Variants in NUMA1 observed in about 807,000 individuals in gnomAD.
NUMA1 encodes the protein nuclear mitotic apparatus protein 1.
NUMA1 carries 62 observed loss-of-function variants against 237.1 expected under a neutral mutation model. The ratio of observed to expected loss-of-function variants is 0.26; its 90% CI spans 0.21 to 0.32. The LOEUF (loss-of-function observed/expected upper bound fraction) is 0.32. Ranked by LOEUF, NUMA1 falls within the 10% of genes least tolerant of loss-of-function variation. The probability of loss-of-function intolerance (pLI) is 1.00; values close to 1 mark genes in which losing one functional copy is unlikely to be tolerated. For missense variants in NUMA1, 2,533 were observed against 2,666.5 expected (o/e 0.95, Z 1.10); for synonymous variants, 1,028 against 1,066.1 (o/e 0.96, Z 0.70).
chr11:72,059,878 C>T (rs1942849934), intron 2 of NUMA1, among the ~76,000 whole-genome samples: 1 of 147,670 alleles, frequency 6.8e-6, no homozygotes, highest in African/African-American at 2.5e-5. Context: ...ATAAAAATTC[C>T]CATCTACACC....
Position 72,007,204 on chromosome 11 carries a change from G to A in NUMA1, c.5448C>T (p.Asn1816=). 1.9e-6 allele frequency: 3 copies of A among 1,609,908 alleles called. No individual in the cohort carries two copies. Among genetic ancestry groups the A allele is most frequent in the Non-Finnish European group, 2.5e-6 (3 of 1,179,950 alleles). The stretch of plus-strand genomic sequence containing the variant: ...GCAGCCTGACCTTGGTCATGGTGAT[G>A]TTGATGATCTGCGTGGTGCGCCGAC... ...SARRRTTQII[N]ITMTKKLDVE... Residue 1816 remains asparagine (N), a synonymous_variant, in exon 21 of 27, where the codon AAC becomes AAT. Coordinates refer to ENST00000393695, the MANE Select transcript of NUMA1 (RefSeq NM_006185.4).
At chr11:72,058,500 T>C (rs905020553) in intron 2 of NUMA1, among the ~76,000 whole-genome samples, 2 of 152,220 alleles carry the variant, frequency 1.3e-5, no homozygotes, top group African/African-American at 2.4e-5. Context: ...ATTTTTCTAT[T>C]GAGGGAATGG....
intron 20 of NUMA1, chr11:72,007,863 G>A: frequency 2.9e-6 from 1 of 350,792 alleles, no homozygotes; most frequent in South Asian, 2.3e-5. Flanking sequence ...TTCCTGAACA[G>A]CTCCTAACCA....
intron 2 of NUMA1, among the ~76,000 whole-genome samples, chr11:72,060,083 C>A (rs899870952): frequency 6.6e-6 from 1 of 152,140 alleles, no homozygotes; most frequent in African/African-American, 2.4e-5. Context: ...TAAGTCCAGA[C>A]ATCAAAGCTG....
chr11:72,037,875 C>T (rs1941225796), intron 2 of NUMA1, among the ~76,000 whole-genome samples: 1 of 152,162 alleles, frequency 6.6e-6, no homozygotes, highest in Non-Finnish European at 1.5e-5. Flanking sequence ...CAAGTATACC[C>T]TATCCATGGG....
At position 72,003,879 on chromosome 11, in the gene NUMA1, G is replaced by C; in HGVS notation, c.6336+8C>G. ...GGTTTCCCTCCCCCATCCTGCCAGT[G>C]CCTCTACCTTGCCCTTGGCTCGAGG... is the stretch of plus-strand genomic sequence containing the variant. On this transcript the variant is annotated splice_region_variant and intron_variant, in intron 26 of 26. Transcript: ENST00000393695. 1 of 1,613,136 alleles carries C rather than the reference G, an allele frequency of 6.2e-7. No homozygotes were observed.
chr11:72,014,677 C>T lies in NUMA1; in HGVS notation c.2826G>A (p.Ala942=). The T allele has an allele frequency of 1.9e-6, 3 of 1,613,424 alleles. No homozygotes were observed. Among genetic ancestry groups the T allele is most frequent in the African/African-American group, 1.3e-5 (1 of 75,080 alleles). ...TASRELVKEP[A]RAGDRQPEWL... ...ACTCGGGCTGTCTGTCTCCTGCCCT[C>T]GCAGGCTCCTTGACTAACTCCCGGG... The change falls in exon 15 of 27, where the codon GCG becomes GCA. Residue 942 remains alanine, a synonymous_variant. Coordinates refer to ENST00000393695, the MANE Select transcript of NUMA1 (RefSeq NM_006185.4). This position sits in a 1 kb window ranked among gnomAD's most constrained non-coding sequence, Gnocchi z 4.6.
chr11:72,030,662 C>T (rs1940186338), intron 3 of NUMA1, among the ~76,000 whole-genome samples: 3 of 152,162 alleles, frequency 2.0e-5, no homozygotes, highest in Admixed American at 2.0e-4. Context: ...AAAGGGTTTG[C>T]TAAGTTAATT....
chr11:72,029,092 C>T (rs1328881476), intron 4 of NUMA1, 113 bp downstream of exon 4: 2 of 724,922 alleles, frequency 2.8e-6, no homozygotes, highest in East Asian at 5.5e-5. Flanking sequence ...ATGTCCCAAT[C>T]CTTCCCCTGA....
At chr11:72,024,376 G>T in intron 4 of NUMA1, 23 bp from the exon 5 acceptor site, 1 of 1,608,100 alleles carries the variant, frequency 6.2e-7, no homozygotes, top group Non-Finnish European at 8.5e-7. Context: ...CAAGTATTAG[G>T]ACCAGAGTAT....
intron 2 of NUMA1, chr11:72,067,776 T>C (rs575871): frequency 0.9 from 137,578 of 152,238 alleles, 62,397 homozygotes; most frequent in Middle Eastern, 0.96. Flanking sequence ...AAAACAATGT[T>C]TAGAGTAAGA....
At chr11:72,022,447 G>A (rs764954953) in intron 6 of NUMA1, 28 bp from the exon 7 acceptor site, 10 of 1,481,026 alleles carry the variant, frequency 6.8e-6, no homozygotes, top group Middle Eastern at 1.7e-4. Context: ...GGCAGTCACT[G>A]AGTGGGGCTG....
intron 12 of NUMA1, 125 bp from the exon 13 acceptor site, chr11:72,017,952 C>A: frequency 8.7e-7 from 1 of 1,144,208 alleles, no homozygotes; most frequent in Admixed American, 2.2e-5. Context: ...ACAAACCAAT[C>A]ACAGCCATCA....
chr11:72,032,144 G>C (rs554403775), intron 3 of NUMA1, among the ~76,000 whole-genome samples: 2 of 152,164 alleles, frequency 1.3e-5, no homozygotes, highest in East Asian at 3.9e-4. Flanking sequence ...CTGGGTCACA[G>C]AGCAAGACCC....
chr11:72,063,608 C>CAA (rs71052848), intron 2 of NUMA1, among the ~76,000 whole-genome samples: 1,868 of 61,112 alleles, frequency 0.031, 20 homozygotes, highest in Middle Eastern at 0.081. Context: ...TACCAAAACT[C>CAA]AAAAAAAAAA....
At chr11:72,077,610 C>G (rs890502249) in intron 1 of NUMA1, among the ~76,000 whole-genome samples, 9 of 151,920 alleles carry the variant, frequency 5.9e-5, no homozygotes, top group African/African-American at 2.2e-4. Flanking sequence ...GTCAGGGGAT[C>G]GAGACCATCA....
chr11:72,040,633 C>T (rs1941567124), intron 2 of NUMA1: 1 of 152,320 alleles, frequency 6.6e-6, no homozygotes, highest in Admixed American at 6.5e-5. Context: ...ATGGTGAAGC[C>T]CTCTCCTGAG....
rs1202790504 is a variant in NUMA1, at chr11:72,015,759, C to T, written c.1744G>A (p.Ala582Thr). ...EKQEATRQDH[A>T]QQLATAAEER... ...TCTGCAGCAGTGGCCAGTTGCTGGG[C>T]ATGGTCCTGCCTAGTTGCCTCCTGC... The change falls in exon 15 of 27, where the codon GCC becomes ACC. Residue 582 changes from alanine to threonine, a missense_variant. By Grantham distance (58) the Ala-to-Thr change is moderately conservative. Coordinates refer to ENST00000393695, the MANE Select transcript of NUMA1 (RefSeq NM_006185.4). The surrounding 1 kb of genome is among the most constrained non-coding windows in gnomAD (Gnocchi z 4.0). The T allele has an allele frequency of 3.7e-6, 6 of 1,614,226 alleles. No individual in the cohort carries two copies. Among genetic ancestry groups the T allele is most frequent in the South Asian group, 1.1e-5 (1 of 91,088 alleles).
At position 72,021,193 on chromosome 11, in the gene NUMA1, T is replaced by C. The variant is rs1395823582; in HGVS notation, c.460+11A>G. 3.1e-6 allele frequency: 5 copies of C among 1,600,522 alleles called. No individual in the cohort carries two copies. In the Admixed American group the frequency reaches 8.3e-5, roughly 27 times the overall value. On this transcript the variant is annotated intron_variant, in intron 8 of 26. Transcript: ENST00000393695. ...AGATGAGGGGATTCTCAGGAGTGTG[T>C]ACCTACTTACCTTTCTGTAGGAAGT...
Sources: allele counts gnomAD v4.1 joint callset (sites outside exome capture counted in the v4.1 genomes callset), GRCh38; gene constraint gnomAD v4.1.1; non-coding constraint Gnocchi (gnomAD v3.1); transcripts MANE v1.5; gene names NCBI Gene and HGNC (gene_info 2026-07-23, HGNC 2026-07-21).